TRAF5: variants seen among roughly 807,000 people sequenced by gnomAD.
The protein encoded by TRAF5 is TNF receptor-associated factor 5.
In TRAF5, 48 loss-of-function variants were observed where a neutral mutation model predicts 64.5. The observed-to-expected ratio is 0.74, with a 90% CI of 0.59 to 0.95. The LOEUF (loss-of-function observed/expected upper bound fraction) is 0.95. TRAF5 is among the 40% of genes least tolerant of loss of function. TRAF5 has a pLI of 0.00. For missense variants in TRAF5, 545 were observed against 662.8 expected (o/e 0.82, Z 1.95); for synonymous variants, 206 against 240.5 (o/e 0.86, Z 1.33).
intron 2 of TRAF5, among the ~76,000 whole-genome samples, chr1:211,354,124 C>T (rs147657381): frequency 6.6e-6 from 1 of 152,282 alleles, no homozygotes; most frequent in Non-Finnish European, 1.5e-5. Flanking sequence ...CTAGAGGAGA[C>T]AAATGTGGCA....
chr1:211,347,257 G>T (rs746526567), intron 1 of TRAF5, among the ~76,000 whole-genome samples: 7 of 152,164 alleles, frequency 4.6e-5, no homozygotes, highest in Non-Finnish European at 1.0e-4. Context: ...TAATTAATTA[G>T]ATAAATATAT....
rs1171713721 is a variant in TRAF5 at position 211,372,377 on chromosome 1, G to C, written c.1349G>C (p.Gly450Ala). ...YRLCARAYLN[G>A]DGSGRGSHLS... ...CTCTGTGCTAGAGCATACCTGAATG[G>C]GGATGGGTCAGGGAGGGGGTCACAC... The change falls in exon 11 of 11, where the codon GGG becomes GCG. Residue 450 changes from glycine (G) to alanine (A), a missense_variant. Physicochemically the swap from Gly to Ala is moderately conservative, Grantham distance 60. Coordinates refer to ENST00000261464, the MANE Select transcript of TRAF5 (RefSeq NM_001033910.3). 1.2e-6 allele frequency: 2 copies of C among 1,614,008 alleles called. No homozygotes were observed. Among genetic ancestry groups the C allele is most frequent in the East Asian group, 2.2e-5 (1 of 44,884 alleles).
At chr1:211,358,725 AT>A (rs1703067487) in intron 4 of TRAF5, 2 of 149,646 alleles carry the variant, frequency 1.3e-5, no homozygotes, top group African/African-American at 4.9e-5. Flanking sequence ...ATTAAAAAAA[AT>A]AAAATAGAAT....
intron 1 of TRAF5, among the ~76,000 whole-genome samples, chr1:211,348,808 G>T (rs1043286640): frequency 6.6e-6 from 1 of 151,920 alleles, no homozygotes; most frequent in Non-Finnish European, 1.5e-5. Flanking sequence ...CTATTTCTGG[G>T]CTCTTTATTC....
intron 1 of TRAF5, among the ~76,000 whole-genome samples, chr1:211,348,270 G>A (rs889655959): frequency 2.0e-5 from 3 of 151,960 alleles, no homozygotes; most frequent in Non-Finnish European, 4.4e-5. Flanking sequence ...CTTTTGTTTT[G>A]GAAAATGGTT....
intron 1 of TRAF5, among the ~76,000 whole-genome samples, chr1:211,346,829 C>T (rs778715847): frequency 1.5e-4 from 23 of 152,196 alleles, no homozygotes; most frequent in Non-Finnish European, 1.3e-4. Context: ...ATGGTGGCAT[C>T]CACAGCTTTC....
chr1:211,368,233 A>G (rs1703415799), intron 8 of TRAF5, among the ~76,000 whole-genome samples: 1 of 152,182 alleles, frequency 6.6e-6, no homozygotes, highest in Non-Finnish European at 1.5e-5. Context: ...CGTAGGGCCC[A>G]GTGTCACCTG....
chr1:211,364,172 TTACTGTAATATAGGCAGTC>T (rs1381138670), intron 7 of TRAF5, among the ~76,000 whole-genome samples: 1 of 152,214 alleles, frequency 6.6e-6, no homozygotes, highest in Non-Finnish European at 1.5e-5. Flanking sequence ...ACATTTGCTT[TTACTGTAATATAGGCAGTC>T]TACAAAAAAA....
At chr1:211,334,269 C>A (rs1702234114) in intron 1 of TRAF5, among the ~76,000 whole-genome samples, 1 of 152,204 alleles carries the variant, frequency 6.6e-6, no homozygotes. Context: ...ATTAGAGACT[C>A]AGTGCCCAAG....
chr1:211,352,886 C>G (rs1702837355), intron 1 of TRAF5, among the ~76,000 whole-genome samples: 1 of 152,120 alleles, frequency 6.6e-6, no homozygotes, highest in South Asian at 2.1e-4. Flanking sequence ...AAATTCCTAA[C>G]AGTTTACTTA....
chr1:211,359,089 G>C (rs1055712115), intron 4 of TRAF5: 2 of 151,764 alleles, frequency 1.3e-5, no homozygotes, highest in African/African-American at 2.4e-5. Flanking sequence ...TGGGACCATA[G>C]GTGTACACCG....
chr1:211,341,195 C>T (rs1702439940), intron 1 of TRAF5, among the ~76,000 whole-genome samples: 1 of 152,066 alleles, frequency 6.6e-6, no homozygotes, highest in African/African-American at 2.4e-5. Context: ...TGAGCTGAGT[C>T]AAGAACAAAG....
intron 1 of TRAF5, among the ~76,000 whole-genome samples, chr1:211,349,219 A>C (rs935206257): frequency 6.6e-6 from 1 of 152,150 alleles, no homozygotes; most frequent in Non-Finnish European, 1.5e-5. Context: ...GAAAAGAAAG[A>C]AAAAACAAGA....
At chr1:211,339,239 T>C (rs1702382596) in intron 1 of TRAF5, among the ~76,000 whole-genome samples, 1 of 152,212 alleles carries the variant, frequency 6.6e-6, no homozygotes, top group Non-Finnish European at 1.5e-5. Context: ...GTGTATGGTA[T>C]TATATGTAAA....
chr1:211,350,163 A>G (rs1159014307), intron 1 of TRAF5, among the ~76,000 whole-genome samples: 2 of 151,008 alleles, frequency 1.3e-5, no homozygotes, highest in Non-Finnish European at 2.9e-5. Flanking sequence ...TGCAGGAAAC[A>G]CTAGGGAAAA....
chr1:211,345,067 C>T (rs370645385), intron 1 of TRAF5, among the ~76,000 whole-genome samples: 9 of 152,114 alleles, frequency 5.9e-5, no homozygotes, highest in South Asian at 2.1e-4. Flanking sequence ...TACAGGCATG[C>T]GCCACCATGC....
At chr1:211,350,462 T>C (rs1572070659) in intron 1 of TRAF5, among the ~76,000 whole-genome samples, 1 of 151,974 alleles carries the variant, frequency 6.6e-6, no homozygotes, top group South Asian at 2.1e-4. Flanking sequence ...GAAAGAGAGG[T>C]CCAGGATGGT....
At chr1:211,333,012 T>C (rs1171097137) in intron 1 of TRAF5, among the ~76,000 whole-genome samples, 1 of 152,206 alleles carries the variant, frequency 6.6e-6, no homozygotes, top group Non-Finnish European at 1.5e-5. Context: ...ACAGTTCCCA[T>C]AGGGCCTATG....
intron 1 of TRAF5, among the ~76,000 whole-genome samples, chr1:211,346,061 C>T (rs1702597025): frequency 6.6e-6 from 1 of 152,232 alleles, no homozygotes; most frequent in Non-Finnish European, 1.5e-5. Context: ...AATTGCTAAC[C>T]ATTCTAGAAC....
Sources: allele counts gnomAD v4.1 joint callset (sites outside exome capture counted in the v4.1 genomes callset), GRCh38; gene constraint gnomAD v4.1.1; transcripts MANE v1.5; gene names NCBI Gene and HGNC (gene_info 2026-07-23, HGNC 2026-07-21).